Variants in SCN3A observed in about 807,000 individuals in gnomAD.
The protein encoded by SCN3A is sodium channel protein type 3 subunit alpha.
In SCN3A, 60 loss-of-function variants were observed where a neutral mutation model predicts 187.6. That is an observed-to-expected ratio of 0.32 (90% CI 0.26 to 0.40). The LOEUF (loss-of-function observed/expected upper bound fraction) is 0.40, where lower values mean the gene tolerates loss of function less well. Ranked by LOEUF, SCN3A falls within the 10% of genes least tolerant of loss-of-function variation. The pLI, the probability that SCN3A is intolerant of heterozygous loss-of-function variation, is 1.00. For synonymous variants in SCN3A, 788 were observed against 829.2 expected (o/e 0.95, Z 0.85); for missense variants, 1,601 against 2,428.2 (o/e 0.66, Z 7.16).
At chr2:165,134,891 T>C (rs2105790280) in intron 15 of SCN3A, among the ~76,000 whole-genome samples, 1 of 152,142 alleles carries the variant, frequency 6.6e-6, no homozygotes, top group South Asian at 2.1e-4. Context: ...TCTTTTCAGC[T>C]CTTCTAAAAT....
intron 3 of SCN3A, among the ~76,000 whole-genome samples, chr2:165,175,812 C>T (rs568652778): frequency 3.9e-5 from 6 of 152,180 alleles, no homozygotes; most frequent in African/African-American, 1.4e-4. Flanking sequence ...ATTCTGTAGT[C>T]TACCCTGTGC....
intron 11 of SCN3A, among the ~76,000 whole-genome samples, chr2:165,149,147 T>A (rs1304223854): frequency 6.6e-6 from 1 of 151,314 alleles, no homozygotes; most frequent in Non-Finnish European, 1.5e-5. Flanking sequence ...ACCATAATCC[T>A]ACAACTTATG....
At chr2:165,176,015 T>C in intron 3 of SCN3A, 116 bp downstream of exon 3, 2 of 853,690 alleles carry the variant, frequency 2.3e-6, no homozygotes, top group Non-Finnish European at 3.6e-6. Flanking sequence ...CAGTGAAGAG[T>C]ATTATAAAAT....
intron 5 of SCN3A, among the ~76,000 whole-genome samples, chr2:165,166,907 T>G (rs1176520356): frequency 6.6e-6 from 1 of 151,704 alleles, no homozygotes; most frequent in South Asian, 2.1e-4. Flanking sequence ...ATTGCCTTTT[T>G]TTTTTGTTTT....
At chr2:165,120,585 T>G (rs1442716847) in intron 18 of SCN3A, among the ~76,000 whole-genome samples, 4 of 152,066 alleles carry the variant, frequency 2.6e-5, no homozygotes, top group African/African-American at 4.8e-5. Context: ...AGATTGCCTT[T>G]AAAATCTAGC....
At chr2:165,160,123 C>T (rs1204857763) in intron 9 of SCN3A, among the ~76,000 whole-genome samples, 3 of 112,520 alleles carry the variant, frequency 2.7e-5, no homozygotes, top group Admixed American at 1.0e-4. Context: ...AGCTAAACTC[C>T]GTCTCAAAAA....
At chr2:165,116,813 T>C (rs1686388140) in intron 18 of SCN3A, among the ~76,000 whole-genome samples, 1 of 152,108 alleles carries the variant, frequency 6.6e-6, no homozygotes, top group Non-Finnish European at 1.5e-5. Flanking sequence ...TGTCCAAATA[T>C]ATATATTATG....
chr2:165,114,117 C>A, intron 19 of SCN3A, 147 bp from the exon 20 acceptor site: 1 of 559,818 alleles, frequency 1.8e-6, no homozygotes, highest in Non-Finnish European at 3.1e-6. Context: ...GTCAGCATCC[C>A]TCCTGTATAA....
intron 3 of SCN3A, among the ~76,000 whole-genome samples, chr2:165,175,845 A>T (rs1276136638): frequency 1.3e-5 from 2 of 151,854 alleles, no homozygotes; most frequent in African/African-American, 2.4e-5. Context: ...GCCATAACAG[A>T]TATTTCACTT....
rs527874589 is a variant in SCN3A at position 165,127,807 on chromosome 2, C to A, written c.3217G>T (p.Gly1073Cys). Residue 1073 changes from glycine to cysteine, a missense_variant, in exon 18 of 28, where the codon GGT becomes TGT. By Grantham distance (159) the Gly-to-Cys change is radical (BLOSUM62 -3). Around this residue, in one of 11 missense-constraint regions of SCN3A, gnomAD observed 267 missense variants for 313.2 expected, o/e 0.85. Coordinates refer to ENST00000283254, the MANE Select transcript of SCN3A (RefSeq NM_006922.4). ...YLRDGNGTTS[G>C]VGTGSSVEKY... ...TCAACACTGCTTCCAGTACCTACACCACTGGTGGTTCCATTCCCATCTCTA... is the reference window on the plus strand; with the variant it reads ...TCAACACTGCTTCCAGTACCTACACAACTGGTGGTTCCATTCCCATCTCTA... The A allele has an allele frequency of 6.2e-7, 1 of 1,614,144 alleles. No individual in the cohort carries two copies. The highest frequency in any genetic ancestry group is 8.5e-7 in the Non-Finnish European group (1 of 1,180,022).
chr2:165,159,667 C>CT lies in SCN3A; in HGVS notation c.1031+2640dup, dbSNP rs777974249. ...ATGAGCTACTTCACCTAGCCCCAGT[C>CT]TTTTTTTTTTTTTTTTTAAATCAGA... On this transcript the variant is annotated intron_variant, in intron 9 of 27. Transcript: ENST00000283254. Among the ~76,000 whole-genome samples the CT allele has an allele frequency of 5.5e-3, 638 of 115,240 alleles. 93 individuals are homozygous for CT. The highest frequency in any genetic ancestry group is 0.044 in the South Asian group (158 of 3,562). The allele number at this position is 115,240 out of a possible 152,430, so 75.6% of individuals were successfully genotyped here.
At chr2:165,186,268 T>C (rs1302575912) in intron 2 of SCN3A, among the ~76,000 whole-genome samples, 1 of 145,028 alleles carries the variant, frequency 6.9e-6, no homozygotes, top group Non-Finnish European at 1.5e-5. Context: ...AGACTCTGTC[T>C]CAAAACAACA....
chr2:165,135,594 T>G, intron 15 of SCN3A, among the ~76,000 whole-genome samples: 1 of 152,126 alleles, frequency 6.6e-6, no homozygotes, highest in South Asian at 2.1e-4. Context: ...ATAGAAATTC[T>G]TTCTTTCTCT....
chr2:165,118,848 C>A (rs6707215), intron 18 of SCN3A, among the ~76,000 whole-genome samples: 31,948 of 152,050 alleles, frequency 0.21, 3,402 homozygotes, highest in South Asian at 0.29. Context: ...CTGCAAGCTC[C>A]GCTTCCTGGG....
At chr2:165,096,811 G>C (rs1685383472) in intron 23 of SCN3A, among the ~76,000 whole-genome samples, 1 of 152,040 alleles carries the variant, frequency 6.6e-6, no homozygotes, top group Non-Finnish European at 1.5e-5. Context: ...ATGTTAAAGT[G>C]TAAGCTCTAT....
chr2:165,123,472 T>C (rs1686809441), intron 18 of SCN3A, among the ~76,000 whole-genome samples: 1 of 152,184 alleles, frequency 6.6e-6, no homozygotes, highest in Non-Finnish European at 1.5e-5. Flanking sequence ...TAATGATTAA[T>C]TTACTGTCTC....
Position 165,131,225 on chromosome 2 carries a change from G to A in SCN3A, c.2565+19C>T, listed in dbSNP as rs769458126. 6.6e-6 allele frequency: 10 copies of A among 1,514,876 alleles called. No individual in the cohort carries two copies. The highest frequency in any genetic ancestry group is 1.7e-4 in the Middle Eastern group (1 of 5,740). 93.8% of individuals were successfully genotyped at this position (1,514,876 alleles called of 1,614,324 possible). ...AAATGTTGTGCCAATGAGCGACAGG[G>A]ATATATATAAATAGATACCAGTCTG... On this transcript the variant is annotated intron_variant, in intron 16 of 27. Coordinates refer to ENST00000283254, the MANE Select transcript of SCN3A (RefSeq NM_006922.4).
chr2:165,203,326 G>C (rs1386756665), intron 1 of SCN3A, among the ~76,000 whole-genome samples: 1 of 151,904 alleles, frequency 6.6e-6, no homozygotes, highest in African/African-American at 2.4e-5. Context: ...AGAGAAAAAT[G>C]ATAGTGTATT....
rs1456102855 is a variant in SCN3A at position 165,090,578 on chromosome 2, G to A, written c.5575C>T (p.Arg1859Cys). The A allele has an allele frequency of 1.9e-6, 3 of 1,613,858 alleles. No homozygotes were observed. Among genetic ancestry groups the A allele is most frequent in the Admixed American group, 1.7e-5 (1 of 59,958 alleles). ...ATCTCTCCACTCTCACCCAAAACAC[G>A]CTTTGTAAAGGCAAATAAAATATCA... Reference protein sequence around the residue: ...CLDILFAFTKRVLGESGEMDA... With the variant: ...CLDILFAFTKCVLGESGEMDA... Residue 1859 changes from arginine to cysteine, a missense_variant, in exon 28 of 28, where the codon CGT becomes TGT. Arg to Cys is a radical substitution (Grantham distance 180, BLOSUM62 -3). Coordinates refer to ENST00000283254, the MANE Select transcript of SCN3A (RefSeq NM_006922.4). This position sits in a 1 kb window ranked among gnomAD's most constrained non-coding sequence, Gnocchi z 4.0.
Sources: allele counts gnomAD v4.1 joint callset (sites outside exome capture counted in the v4.1 genomes callset), GRCh38; gene constraint gnomAD v4.1.1; regional missense constraint gnomAD v4.1.1; non-coding constraint Gnocchi (gnomAD v3.1); transcripts MANE v1.5; gene names NCBI Gene and HGNC (gene_info 2026-07-23, HGNC 2026-07-21).